NRXN1: variants seen among roughly 807,000 people sequenced by gnomAD.
NRXN1 encodes neurexin 1, also known as neurexin-1.
In NRXN1, 39 loss-of-function variants were observed where a neutral mutation model predicts 150.9. The observed-to-expected ratio is 0.26, with a 90% CI of 0.20 to 0.34. NRXN1 has a LOEUF of 0.34. NRXN1 is among the 10% of genes least tolerant of loss of function. The probability of loss-of-function intolerance (pLI) is 1.00; values close to 1 mark genes in which losing one functional copy is unlikely to be tolerated. For missense variants in NRXN1, 1,815 were observed against 1,949.9 expected (o/e 0.93, Z 1.30); for synonymous variants, 924 against 757.0 (o/e 1.22, Z -3.62).
At chr2:50,071,625 C>T (rs892174833) in intron 19 of NRXN1, among the ~76,000 whole-genome samples, 1 of 152,176 alleles carries the variant, frequency 6.6e-6, no homozygotes, top group Non-Finnish European at 1.5e-5. Flanking sequence ...GACTTCCAGC[C>T]TCCAGAACTG....
chr2:50,730,735 C>A (rs1234177881), intron 5 of NRXN1, among the ~76,000 whole-genome samples: 1 of 141,234 alleles, frequency 7.1e-6, no homozygotes, highest in Non-Finnish European at 1.5e-5. Context: ...TGCAGTGGCG[C>A]GATCTGGGCT....
intron 5 of NRXN1, among the ~76,000 whole-genome samples, chr2:50,813,468 CA>C (rs2105779232): frequency 6.6e-6 from 1 of 151,952 alleles, no homozygotes; most frequent in East Asian, 1.9e-4. Context: ...TTATATTGAA[CA>C]ATATAAAAGT....
intron 17 of NRXN1, among the ~76,000 whole-genome samples, chr2:50,260,379 C>G (rs2068127449): frequency 6.6e-6 from 1 of 151,794 alleles, no homozygotes; most frequent in African/African-American, 2.4e-5. Context: ...AATGGTGCCA[C>G]CTTAACAAGT....
At chr2:50,952,849 C>T (rs998061657) in intron 2 of NRXN1, among the ~76,000 whole-genome samples, 3 of 152,142 alleles carry the variant, frequency 2.0e-5, no homozygotes, top group East Asian at 1.9e-4. Context: ...ATTTTACATA[C>T]GTTGCCATTT....
intron 5 of NRXN1, among the ~76,000 whole-genome samples, chr2:50,867,022 A>G (rs535576110): frequency 1.7e-4 from 26 of 151,890 alleles, no homozygotes; most frequent in African/African-American, 6.3e-4. Context: ...TACCTTCTCA[A>G]TTTTTCATTT....
chr2:49,944,306 T>C (rs1179507419), intron 21 of NRXN1, among the ~76,000 whole-genome samples: 6 of 152,188 alleles, frequency 3.9e-5, no homozygotes, highest in African/African-American at 9.6e-5. Flanking sequence ...AGCTCTTTCA[T>C]TGGTGCAAAA....
intron 5 of NRXN1, among the ~76,000 whole-genome samples, chr2:50,894,001 A>C (rs10432672): frequency 0.12 from 18,767 of 151,660 alleles, 1,387 homozygotes; most frequent in East Asian, 0.21. Context: ...CCAGTCTATC[A>C]CTGTTGGACA....
Position 50,347,316 on chromosome 2 carries a change from G to A in NRXN1, c.3365-110346C>T, listed in dbSNP as rs201305252. ...CGAGAGTGCGTGCCGGCGGGTGGGGGGCCGAGAAATTGTTTAAAGCTCCTC... is the reference window on the plus strand; with the variant it reads ...CGAGAGTGCGTGCCGGCGGGTGGGGAGCCGAGAAATTGTTTAAAGCTCCTC... On this transcript the variant is annotated intron_variant, in intron 17 of 22. Transcript: ENST00000401669. The surrounding 1 kb of genome is among the most constrained non-coding windows in gnomAD (Gnocchi z 4.9). 95 of 1,258,542 alleles carry A rather than the reference G, an allele frequency of 7.5e-5. No individual in the cohort carries two copies. The highest frequency in any genetic ancestry group is 2.5e-5 in the Admixed American group (1 of 39,530). The allele number at this position is 1,258,542 out of a possible 1,614,324, so 78.0% of individuals were successfully genotyped here.
intron 22 of NRXN1, among the ~76,000 whole-genome samples, chr2:49,937,130 G>T (rs1190801351): frequency 6.6e-6 from 1 of 152,168 alleles, no homozygotes; most frequent in Admixed American, 6.5e-5. Flanking sequence ...TGTGGAAAGG[G>T]TGGGAGCCTA....
At chr2:50,619,399 C>T (rs1454253177) in intron 8 of NRXN1, 1 of 152,126 alleles carries the variant, frequency 6.6e-6, no homozygotes, top group African/African-American at 2.4e-5. Context: ...CAATCTTATA[C>T]AAAGTTACAA....
At chr2:50,572,011 A>C (rs1328000595) in intron 8 of NRXN1, among the ~76,000 whole-genome samples, 1 of 150,118 alleles carries the variant, frequency 6.7e-6, no homozygotes, top group African/African-American at 2.5e-5. Flanking sequence ...CTAGGAGTAG[A>C]TGTGGTAATT....
At chr2:50,132,173 C>G (rs1470095598) in intron 18 of NRXN1, among the ~76,000 whole-genome samples, 3 of 152,076 alleles carry the variant, frequency 2.0e-5, no homozygotes, top group African/African-American at 7.2e-5. Context: ...ATCATCATTT[C>G]AAAATAGACA....
chr2:50,300,197 T>G (rs2074022063), intron 17 of NRXN1, among the ~76,000 whole-genome samples: 2 of 152,342 alleles, frequency 1.3e-5, no homozygotes, highest in Middle Eastern at 3.4e-3. Flanking sequence ...AGCCGTTGTT[T>G]CTGAAGTTTC....
At chr2:50,918,076 G>A (rs1270485896) in intron 5 of NRXN1, 1 of 151,542 alleles carries the variant, frequency 6.6e-6, no homozygotes, top group East Asian at 2.0e-4. Context: ...AATTAGTTTT[G>A]AGAAAAATCT....
intron 17 of NRXN1, among the ~76,000 whole-genome samples, chr2:50,399,810 A>G (rs2082281897): frequency 4.0e-5 from 1 of 24,750 alleles, no homozygotes; most frequent in Non-Finnish European, 7.9e-5. Flanking sequence ...AAAAAAAAAA[A>G]AAAAAAAAAA....
intron 8 of NRXN1, among the ~76,000 whole-genome samples, chr2:50,580,206 C>A (rs1334181673): frequency 6.6e-6 from 1 of 152,090 alleles, no homozygotes; most frequent in Non-Finnish European, 1.5e-5. Context: ...AACAGACCTG[C>A]AAATTATAAA....
At chr2:50,430,728 T>C (rs561843001) in intron 17 of NRXN1, among the ~76,000 whole-genome samples, 1 of 152,350 alleles carries the variant, frequency 6.6e-6, no homozygotes, top group Non-Finnish European at 1.5e-5. Context: ...TCAGGAATAC[T>C]GCTGAGAACA....
chr2:50,885,723 T>C (rs1680129762), intron 5 of NRXN1, among the ~76,000 whole-genome samples: 1 of 151,296 alleles, frequency 6.6e-6, no homozygotes. Context: ...TAAATATGCC[T>C]GATGATGATA....
chr2:50,415,955 C>CAAAAA (rs10585013), intron 17 of NRXN1, among the ~76,000 whole-genome samples: 1 of 88,832 alleles, frequency 1.1e-5, no homozygotes, highest in African/African-American at 3.0e-5. Flanking sequence ...CAACAACATA[C>CAAAAA]AAAAAAAAAA....
Sources: allele counts gnomAD v4.1 joint callset (sites outside exome capture counted in the v4.1 genomes callset), GRCh38; gene constraint gnomAD v4.1.1; non-coding constraint Gnocchi (gnomAD v3.1); transcripts MANE v1.5; gene names NCBI Gene and HGNC (gene_info 2026-07-23, HGNC 2026-07-21).